PAX3: variants seen among roughly 807,000 people sequenced by gnomAD.
PAX3 encodes the protein paired box 3, also known as paired box protein Pax-3.
PAX3 carries 14 observed loss-of-function variants against 51.6 expected under a neutral mutation model. That is an observed-to-expected ratio of 0.27 (90% confidence interval 0.18 to 0.42). PAX3 has a LOEUF of 0.42. PAX3 is among the 10% of genes least tolerant of loss of function. PAX3 has a pLI of 1.00. For synonymous variants in PAX3, 280 were observed against 253.4 expected (o/e 1.11, Z -1.00); for missense variants, 540 against 642.8 (o/e 0.84, Z 1.73).
intron 4 of PAX3, chr2:222,262,541 AT>A (rs1477346878): frequency 6.6e-6 from 1 of 151,970 alleles, no homozygotes; most frequent in Admixed American, 6.6e-5. Context: ...TCACTCTTTG[AT>A]TTCTAAAACT....
intron 5 of PAX3, among the ~76,000 whole-genome samples, chr2:222,230,171 G>A (rs903749963): frequency 3.3e-5 from 5 of 149,950 alleles, no homozygotes; most frequent in Admixed American, 6.6e-5. Context: ...ATGAGACCCT[G>A]TCTCAAAAAA....
intron 2 of PAX3, among the ~76,000 whole-genome samples, chr2:222,296,188 C>A (rs371520345): frequency 1.3e-5 from 2 of 152,120 alleles, no homozygotes; most frequent in African/African-American, 4.8e-5. Flanking sequence ...TTCTCTCTAC[C>A]CCCAATATAT....
At chr2:222,277,763 G>C (rs1393276328) in intron 4 of PAX3, among the ~76,000 whole-genome samples, 1 of 151,784 alleles carries the variant, frequency 6.6e-6, no homozygotes, top group South Asian at 2.1e-4. Context: ...GTGAAACCCC[G>C]TCTCTACCAA....
At chr2:222,212,550 A>G (rs1254015388) in intron 7 of PAX3, among the ~76,000 whole-genome samples, 1 of 151,952 alleles carries the variant, frequency 6.6e-6, no homozygotes, top group Non-Finnish European at 1.5e-5. Context: ...TAAATATTAT[A>G]CTATACATTG....
At chr2:222,235,510 C>A (rs1692766844) in intron 4 of PAX3, among the ~76,000 whole-genome samples, 1 of 152,146 alleles carries the variant, frequency 6.6e-6, no homozygotes, top group African/African-American at 2.4e-5. Context: ...GAATGTTTAG[C>A]AGGTATTTAT....
chr2:222,223,213 T>C (rs968242218), intron 5 of PAX3, among the ~76,000 whole-genome samples: 5 of 152,230 alleles, frequency 3.3e-5, no homozygotes, highest in African/African-American at 4.8e-5. Flanking sequence ...GAGTTTTGTC[T>C]TCTCTCGCCA....
chr2:222,213,932 T>C (rs768800713), intron 7 of PAX3, among the ~76,000 whole-genome samples: 37 of 152,304 alleles, frequency 2.4e-4, no homozygotes, highest in Non-Finnish European at 4.6e-4. Flanking sequence ...GTGAACCTTA[T>C]TGCTTTGACC....
At chr2:222,221,518 T>C in intron 5 of PAX3, 131 bp from the exon 6 acceptor site, 1 of 877,682 alleles carries the variant, frequency 1.1e-6, no homozygotes, top group Non-Finnish European at 1.9e-6. Flanking sequence ...TTCTCTGCCT[T>C]CTGTGTTGTT....
chr2:222,206,624 T>C (rs1231819822), intron 7 of PAX3, among the ~76,000 whole-genome samples: 5 of 152,212 alleles, frequency 3.3e-5, no homozygotes, highest in Non-Finnish European at 5.9e-5. Flanking sequence ...AGGTTGTTTA[T>C]ATCTTGATTG....
rs1156831837 is a variant in PAX3, at chr2:222,200,002, C to T, written c.*1406G>A. The T allele has an allele frequency of 2.5e-5, 5 of 200,338 alleles. No individual in the cohort carries two copies. The South Asian group carries it at 9.5e-4, about 38-fold the overall frequency. 12.4% of individuals were successfully genotyped at this position (200,338 alleles called of 1,614,324 possible). A position where few individuals can be genotyped will look rare whatever the true frequency, so the allele number is the denominator to read the frequency against. On this transcript the variant is annotated 3_prime_UTR_variant, in exon 9 of 9. Coordinates refer to ENST00000392070, the MANE Select transcript of PAX3 (RefSeq NM_181458.4). ...TTGAGGCTGCAACACAAAGATAGTA[C>T]TTCTCTTGTTCCATCACCCTCTAAG...
intron 2 of PAX3, 91 bp downstream of exon 2, chr2:222,296,887 C>G: frequency 9.6e-7 from 1 of 1,040,274 alleles, no homozygotes; most frequent in Non-Finnish European, 1.5e-6. Context: ...CATTGGAGAG[C>G]CCCAGATGTC....
chr2:222,270,266 C>T (rs1184929791), intron 4 of PAX3, among the ~76,000 whole-genome samples: 3 of 152,236 alleles, frequency 2.0e-5, no homozygotes, highest in African/African-American at 7.2e-5. Context: ...GACTAGCATC[C>T]TTGGTGCTCA....
intron 7 of PAX3, among the ~76,000 whole-genome samples, chr2:222,208,172 C>T (rs1381113173): frequency 6.6e-6 from 1 of 152,036 alleles, no homozygotes; most frequent in East Asian, 1.9e-4. Flanking sequence ...CCACCATGGG[C>T]ATAATAAAAT....
At chr2:222,235,081 TA>T (rs1173069629) in intron 4 of PAX3, among the ~76,000 whole-genome samples, 2 of 152,318 alleles carry the variant, frequency 1.3e-5, no homozygotes, top group East Asian at 3.9e-4. Flanking sequence ...CTGGGGTTAT[TA>T]AATTCTTTCA....
At position 222,253,011 on chromosome 2, in the gene PAX3, C is replaced by G. The variant is rs187772550; in HGVS notation, c.587-20728G>C. On this transcript the variant is annotated intron_variant, in intron 4 of 8. Transcript: ENST00000392070. ...TAGAACCAAAGTTGTCACCTCACTC[C>G]CCAATCCTATGCCCTGGTGACCCAT... 2.0e-5 allele frequency among the ~76,000 whole-genome samples: 3 copies of G among 152,266 alleles called. No homozygotes were observed. The East Asian group carries it at 5.8e-4, about 29-fold the overall frequency.
At chr2:222,284,310 G>A (rs570430623) in intron 4 of PAX3, among the ~76,000 whole-genome samples, 5 of 152,184 alleles carry the variant, frequency 3.3e-5, no homozygotes, top group African/African-American at 1.2e-4. Context: ...TATGAGACTC[G>A]TTTTCAAAAA....
chr2:222,251,788 T>G (rs1464202013), intron 4 of PAX3, among the ~76,000 whole-genome samples: 2 of 152,230 alleles, frequency 1.3e-5, no homozygotes, highest in Non-Finnish European at 2.9e-5. Context: ...CCTGACTTTT[T>G]AATGATCACC....
chr2:222,265,743 T>G (rs1271352821), intron 4 of PAX3, among the ~76,000 whole-genome samples: 1 of 151,870 alleles, frequency 6.6e-6, no homozygotes, highest in Admixed American at 6.6e-5. Context: ...CACTGAGAGT[T>G]AGAATATGTA....
chr2:222,221,410 A>G (rs766746694), intron 5 of PAX3, 23 bp from the exon 6 acceptor site: 3 of 1,606,976 alleles, frequency 1.9e-6, no homozygotes, highest in Admixed American at 3.3e-5. Flanking sequence ...TTTAAAATTT[A>G]AGGATTTCAC....
Sources: allele counts gnomAD v4.1 joint callset (sites outside exome capture counted in the v4.1 genomes callset), GRCh38; gene constraint gnomAD v4.1.1; transcripts MANE v1.5; gene names NCBI Gene and HGNC (gene_info 2026-07-23, HGNC 2026-07-21).